Variants in LPCAT1 observed in about 807,000 individuals in gnomAD.
The protein encoded by LPCAT1 is lysophosphatidylcholine acyltransferase 1.
Under a neutral mutation model 60.9 loss-of-function variants are expected in LPCAT1, and 23 were observed. The observed-to-expected ratio is 0.38, with a 90% CI of 0.27 to 0.53. The LOEUF (loss-of-function observed/expected upper bound fraction) is 0.53. LPCAT1 is among the 20% of genes least tolerant of loss of function. The probability of loss-of-function intolerance (pLI) is 0.82; values close to 1 mark genes in which losing one functional copy is unlikely to be tolerated. For synonymous variants in LPCAT1, 340 were observed against 301.1 expected, an observed-to-expected ratio of 1.13 and a Z score of -1.34; for missense variants, 622 against 723.6, an observed-to-expected ratio of 0.86 and a Z score of 1.61.
rs1360515624 is a variant in LPCAT1, at chr5:1,476,440, G to C, written c.899+964C>G. Among the ~76,000 whole-genome samples, 1 of 152,142 alleles carries C rather than the reference G, an allele frequency of 6.6e-6. No homozygotes were observed. The highest frequency in any genetic ancestry group is 1.5e-5 in the Non-Finnish European group (1 of 68,024). Reference sequence around the variant, plus strand: ...CCAGCTGAATCTTCAGGGTGTCAGCGGAGTGTGAACAAAGTGGCTCGGAGG... The same window carrying C: ...CCAGCTGAATCTTCAGGGTGTCAGCCGAGTGTGAACAAAGTGGCTCGGAGG... On this transcript the variant is annotated intron_variant, in intron 9 of 13. Transcript: ENST00000283415. The surrounding 1 kb of genome is among the most constrained non-coding windows in gnomAD (Gnocchi z 8.6).
At chr5:1,473,092 C>T (rs548555949) in intron 11 of LPCAT1, among the ~76,000 whole-genome samples, 15 of 152,226 alleles carry the variant, frequency 9.9e-5, no homozygotes, top group African/African-American at 3.6e-4. Context: ...TCCCCCTGTC[C>T]TGAGTGCTCC....
intron 1 of LPCAT1, among the ~76,000 whole-genome samples, chr5:1,504,433 T>A (rs1398395479): frequency 1.3e-5 from 2 of 152,202 alleles, no homozygotes; most frequent in Non-Finnish European, 2.9e-5. Flanking sequence ...AGCCGACAGC[T>A]AGGCAGGGCG....
chr5:1,510,607 A>G (rs542484218), intron 1 of LPCAT1, among the ~76,000 whole-genome samples: 3 of 152,352 alleles, frequency 2.0e-5, no homozygotes, highest in African/African-American at 7.2e-5. Flanking sequence ...GGTCTTGGCC[A>G]TGTCTAAACC....
At position 1,520,820 on chromosome 5, in the gene LPCAT1, A is replaced by G. The variant is rs59792908; in HGVS notation, c.135+2890T>C. ...AGAGCTTGTAGTGAGCCGATATCGC[A>G]CCTCTGCACTCCAGCCTGGGCGACA... On this transcript the variant is annotated intron_variant, in intron 1 of 13. Coordinates refer to ENST00000283415, the MANE Select transcript of LPCAT1 (RefSeq NM_024830.5). Among the ~76,000 whole-genome samples, 163 of 140,842 alleles carry G rather than the reference A, an allele frequency of 1.2e-3. 2 individuals carry two copies. In the South Asian group the frequency reaches 0.016, roughly 14 times the overall value. 92.4% of individuals were successfully genotyped at this position (140,842 alleles called of 152,430 possible). A position where few individuals can be genotyped will look rare whatever the true frequency, so the allele number is the denominator to read the frequency against.
intron 13 of LPCAT1, among the ~76,000 whole-genome samples, chr5:1,464,138 A>T (rs1467017013): frequency 6.6e-6 from 1 of 152,202 alleles, no homozygotes; most frequent in Non-Finnish European, 1.5e-5. Flanking sequence ...GGGACTTAGC[A>T]CTTCTGAGGC....
Position 1,463,723 on chromosome 5 carries a change from G to A in LPCAT1, c.1533C>T (p.Asn511=), listed in dbSNP as rs748548369. The A allele has an allele frequency of 5.0e-6, 8 of 1,614,146 alleles. No individual in the cohort carries two copies. The Admixed American group carries it at 5.0e-5, about 10-fold the overall frequency. The change falls in exon 14 of 14, where the codon AAC becomes AAT. Residue 511 remains asparagine (N), a synonymous_variant. Coordinates refer to ENST00000283415, the MANE Select transcript of LPCAT1 (RefSeq NM_024830.5). ...CAETSPAPIP[N]GFCADFSPEN... is the part of the protein sequence containing the mutation. The stretch of plus-strand genomic sequence containing the variant: ...CCGGGCTGAAATCGGCACAGAAGCC[G>A]TTTGGGATTGGCGCAGGTGAGGTCT...
At chr5:1,488,311 A>G in intron 5 of LPCAT1, 80 bp downstream of exon 5, 2 of 881,098 alleles carry the variant, frequency 2.3e-6, no homozygotes, top group Non-Finnish European at 3.6e-6. Flanking sequence ...TCTTATGTGC[A>G]CAGCACATTA....
chr5:1,495,599 A>T lies in LPCAT1; in HGVS notation c.279-685T>A, dbSNP rs868221913. Among the ~76,000 whole-genome samples the T allele has an allele frequency of 2.6e-5, 4 of 152,216 alleles. No individual in the cohort carries two copies. Among genetic ancestry groups the T allele is most frequent in the Non-Finnish European group, 4.4e-5 (3 of 68,044 alleles). ...TGTGTATTCTCTTTCATATGAGGCT[A>T]CAGATTAGGCTGTTATTCCACACCT... On this transcript the variant is annotated intron_variant, in intron 2 of 13. Coordinates refer to ENST00000283415, the MANE Select transcript of LPCAT1 (RefSeq NM_024830.5). The surrounding 1 kb of genome is among the most constrained non-coding windows in gnomAD (Gnocchi z 4.7).
intron 12 of LPCAT1, 185 bp from the exon 13 acceptor site, chr5:1,467,075 A>C (rs1734444790): frequency 2.0e-6 from 1 of 510,512 alleles, no homozygotes. Flanking sequence ...TGTGCCTTGG[A>C]TCTGGCCCCC....
At position 1,523,347 on chromosome 5, in the gene LPCAT1, G is replaced by A. The variant is rs904084341; in HGVS notation, c.135+363C>T. On this transcript the variant is annotated intron_variant, in intron 1 of 13. Transcript: ENST00000283415. The surrounding 1 kb of genome is among the most constrained non-coding windows in gnomAD (Gnocchi z 7.1). ...ACCGGCGATGCGGGTCCAGCCTCCC[G>A]CGGGAGCCGAGGTCGGGGCTCTGGG... Among the ~76,000 whole-genome samples the A allele has an allele frequency of 1.3e-5, 2 of 151,858 alleles. No individual in the cohort carries two copies. The highest frequency in any genetic ancestry group is 2.4e-5 in the African/African-American group (1 of 41,412).
At chr5:1,508,048 T>C (rs1343786010) in intron 1 of LPCAT1, among the ~76,000 whole-genome samples, 1 of 152,222 alleles carries the variant, frequency 6.6e-6, no homozygotes, top group Non-Finnish European at 1.5e-5. Context: ...TGCCATCTAT[T>C]GACCCGGAGG....
rs569143727 is a variant in LPCAT1 at position 1,462,223 on chromosome 5, A to T, written c.*1428T>A. On this transcript the variant is annotated 3_prime_UTR_variant, in exon 14 of 14. Transcript: ENST00000283415. Reference sequence around the variant, plus strand: ...TCAATTCATTTCAGAAATCAAAAAAATTTTCCAAACAAACCCGGAGCCTTT... The same window carrying T: ...TCAATTCATTTCAGAAATCAAAAAATTTTTCCAAACAAACCCGGAGCCTTT... The T allele has an allele frequency of 3.3e-5, 5 of 152,714 alleles. No individual in the cohort carries two copies. The South Asian group carries it at 1.0e-3, about 32-fold the overall frequency. The allele number at this position is 152,714 out of a possible 1,614,324, so 9.5% of individuals were successfully genotyped here.
At chr5:1,468,102 A>G (rs2126479919) in intron 12 of LPCAT1, among the ~76,000 whole-genome samples, 1 of 152,110 alleles carries the variant, frequency 6.6e-6, no homozygotes, top group South Asian at 2.1e-4. Flanking sequence ...TGACGCCTCC[A>G]GCCTTCCGGC....
In LPCAT1 at chr5:1,523,958, G is replaced by A. The variant is rs1207663694; in HGVS notation, c.-114C>T. ...GCCGAGGATGCGCGGCGGCTGGAGCGGGCCGGGCGCGCAGGCGCGGGAGGT... is the reference window on the plus strand; with the variant it reads ...GCCGAGGATGCGCGGCGGCTGGAGCAGGCCGGGCGCGCAGGCGCGGGAGGT... On this transcript the variant is annotated 5_prime_UTR_variant, in exon 1 of 14. Transcript: ENST00000283415. The surrounding 1 kb of genome is among the most constrained non-coding windows in gnomAD (Gnocchi z 7.1). The A allele has an allele frequency of 6.5e-6, 5 of 768,318 alleles. No individual in the cohort carries two copies. The highest frequency in any genetic ancestry group is 1.2e-4 in the Admixed American group (2 of 16,020). The allele number at this position is 768,318 out of a possible 1,614,324, so 47.6% of individuals were successfully genotyped here.
intron 1 of LPCAT1, among the ~76,000 whole-genome samples, chr5:1,509,992 A>G (rs138041140): frequency 2.0e-3 from 306 of 152,308 alleles, no homozygotes; most frequent in Middle Eastern, 0.01. Flanking sequence ...TGGGAGGAAC[A>G]TTTTATGTTT....
Position 1,522,644 on chromosome 5 carries a change from T to C in LPCAT1, c.135+1066A>G, listed in dbSNP as rs924291542. ...AGCTCAAACTGGCCTCAAGAACTTTTCACTTCAGGGTTCTTTCAGATAAAG... is the reference window on the plus strand; with the variant it reads ...AGCTCAAACTGGCCTCAAGAACTTTCCACTTCAGGGTTCTTTCAGATAAAG... On this transcript the variant is annotated intron_variant, in intron 1 of 13. Transcript: ENST00000283415. This position sits in a 1 kb window ranked among gnomAD's most constrained non-coding sequence, Gnocchi z 6.8. 2.6e-5 allele frequency among the ~76,000 whole-genome samples: 4 copies of C among 152,242 alleles called. No individual in the cohort carries two copies. The highest frequency in any genetic ancestry group is 6.5e-5 in the Admixed American group (1 of 15,292).
chr5:1,494,382 C>T (rs917325069), intron 3 of LPCAT1, among the ~76,000 whole-genome samples: 7 of 151,360 alleles, frequency 4.6e-5, no homozygotes, highest in Non-Finnish European at 7.4e-5. Context: ...ATGTGCCCGG[C>T]GGTGGGGGCT....
chr5:1,497,128 G>A (rs762247740), intron 2 of LPCAT1, among the ~76,000 whole-genome samples: 1 of 152,184 alleles, frequency 6.6e-6, no homozygotes, highest in African/African-American at 2.4e-5. Flanking sequence ...CATCCACCAC[G>A]CTCGCCAAGA....
Position 1,501,836 on chromosome 5 carries a change from AGCACTGACCAAGGCTGACCG to A in LPCAT1, c.136-253_136-234del, listed in dbSNP as rs1256437022. 1.3e-4 allele frequency among the ~76,000 whole-genome samples: 20 copies of A among 151,708 alleles called. No individual in the cohort carries two copies. In the East Asian group the frequency reaches 1.9e-3, roughly 15 times the overall value. On this transcript the variant is annotated intron_variant, in intron 1 of 13. Coordinates refer to ENST00000283415, the MANE Select transcript of LPCAT1 (RefSeq NM_024830.5). ...TGACCAAGGCTAACCAACACTGACC[AGCACTGACCAAGGCTGACCG>A]GCACTGACCAAGGCTGACCAACATT...
Sources: gnomAD v4.1 joint callset for allele counts (sites outside exome capture counted in the v4.1 genomes callset) on GRCh38, gnomAD v4.1.1 for gene constraint, Gnocchi (gnomAD v3.1) non-coding constraint, MANE v1.5 for transcripts, NCBI Gene and HGNC (gene_info 2026-07-23, HGNC 2026-07-21) for gene names.